PIK3C3: variants seen among roughly 807,000 people sequenced by gnomAD.
The protein encoded by PIK3C3 is PI3-kinase type 3.
In PIK3C3, 95 loss-of-function variants were observed where a neutral mutation model predicts 126.1. The ratio of observed to expected loss-of-function variants is 0.75; its 90% CI spans 0.64 to 0.89. The LOEUF (loss-of-function observed/expected upper bound fraction) is 0.89, where lower values mean the gene tolerates loss of function less well. Ranked by LOEUF, PIK3C3 falls within the 40% of genes least tolerant of loss-of-function variation. The pLI is 0.00. For missense variants in PIK3C3, 829 were observed against 1,063.2 expected (o/e 0.78, Z 3.06); for synonymous variants, 374 against 360.0 (o/e 1.04, Z -0.44).
At chr18:41,972,105 C>T (rs988363269) in intron 4 of PIK3C3, among the ~76,000 whole-genome samples, 3 of 151,910 alleles carry the variant, frequency 2.0e-5, no homozygotes, top group African/African-American at 7.3e-5. Context: ...TGTAGCACAA[C>T]GTTAATAGTA....
chr18:41,959,954 A>G lies in PIK3C3; in HGVS notation c.257+2196A>G, dbSNP rs1417646227. Among the ~76,000 whole-genome samples, 5 of 145,300 alleles carry G rather than the reference A, an allele frequency of 3.4e-5. No individual in the cohort carries two copies. In the South Asian group the frequency reaches 6.7e-4, roughly 19 times the overall value. ...TAAAAACCTTAAATAGTCCTTATTT[A>G]TAAGTATTTGCTTAAAAGAGATATT... is the stretch of plus-strand genomic sequence containing the variant. On this transcript the variant is annotated intron_variant, in intron 2 of 24. Transcript: ENST00000262039.
At chr18:42,013,802 A>G (rs925708913) in intron 11 of PIK3C3, among the ~76,000 whole-genome samples, 1 of 152,152 alleles carries the variant, frequency 6.6e-6, no homozygotes, top group African/African-American at 2.4e-5. Flanking sequence ...TGAATACCTG[A>G]GTTAAAAATC....
At chr18:42,015,779 A>G (rs1487441143) in intron 12 of PIK3C3, among the ~76,000 whole-genome samples, 3 of 152,212 alleles carry the variant, frequency 2.0e-5, no homozygotes, top group African/African-American at 7.2e-5. Context: ...CTTTGGGCAT[A>G]TAAATGGATT....
intron 24 of PIK3C3, among the ~76,000 whole-genome samples, chr18:42,078,613 C>T (rs912118868): frequency 1.3e-5 from 2 of 149,676 alleles, no homozygotes; most frequent in African/African-American, 5.1e-5. Flanking sequence ...TGAATCCAGA[C>T]ATTGACTTCC....
intron 24 of PIK3C3, among the ~76,000 whole-genome samples, chr18:42,075,555 C>G (rs193271238): frequency 6.6e-6 from 1 of 151,810 alleles, no homozygotes. Context: ...ATTCTCACAC[C>G]TGTGAAGTAA....
chr18:42,077,081 A>G (rs902967362), intron 24 of PIK3C3, among the ~76,000 whole-genome samples: 4 of 152,236 alleles, frequency 2.6e-5, no homozygotes, highest in Non-Finnish European at 5.9e-5. Context: ...TTGTTTTCCC[A>G]GTGCATATAA....
chr18:42,081,480 T>C lies in PIK3C3; in HGVS notation c.*343T>C, dbSNP rs893923057. On this transcript the variant is annotated 3_prime_UTR_variant, in exon 25 of 25. Coordinates refer to ENST00000262039, the MANE Select transcript of PIK3C3 (RefSeq NM_002647.4). ...AGTAAAACATTTTAGTTTTTGAGTTTAAAATGTTATTTTTTCCTCTTATAT... is the reference window on the plus strand; with the variant it reads ...AGTAAAACATTTTAGTTTTTGAGTTCAAAATGTTATTTTTTCCTCTTATAT... The C allele has an allele frequency of 2.1e-5, 5 of 238,402 alleles. No individual in the cohort carries two copies. The highest frequency in any genetic ancestry group is 4.0e-5 in the Non-Finnish European group (5 of 123,800). The allele number at this position is 238,402 out of a possible 1,614,324, so 14.8% of individuals were successfully genotyped here. A position where few individuals can be genotyped will look rare whatever the true frequency, so the allele number is the denominator to read the frequency against.
Position 42,083,931 on chromosome 18 carries a change from G to GGTC in PIK3C3, c.*2795_*2797dup, listed in dbSNP as rs1426908877. Reference sequence around the variant, plus strand: ...CTAATGTGTGCATTTGTGGGTATGTGGTCCATTCAGCTTTAATCCCCAGAA... The same window carrying GGTC: ...CTAATGTGTGCATTTGTGGGTATGTGGTCGTCCATTCAGCTTTAATCCCCAGAA... On this transcript the variant is annotated 3_prime_UTR_variant, in exon 25 of 25. Transcript: ENST00000262039. The GGTC allele has an allele frequency of 1.3e-5, 2 of 152,026 alleles. No individual in the cohort carries two copies. The highest frequency in any genetic ancestry group is 4.8e-5 in the African/African-American group (2 of 41,372). The allele number at this position is 152,026 out of a possible 1,614,324, so 9.4% of individuals were successfully genotyped here.
intron 4 of PIK3C3, among the ~76,000 whole-genome samples, chr18:41,977,527 A>G (rs1185432650): frequency 2.0e-5 from 3 of 151,456 alleles, no homozygotes; most frequent in Non-Finnish European, 4.4e-5. Flanking sequence ...ACACAGTCTC[A>G]CTCTGTCGTC....
At chr18:42,017,797 G>A (rs554195565) in intron 12 of PIK3C3, among the ~76,000 whole-genome samples, 12 of 151,492 alleles carry the variant, frequency 7.9e-5, no homozygotes, top group Non-Finnish European at 1.6e-4. Context: ...GAATTTTTTT[G>A]TAGCCTTATA....
intron 4 of PIK3C3, among the ~76,000 whole-genome samples, chr18:41,981,133 A>G (rs72907555): frequency 0.033 from 4,985 of 152,266 alleles, 102 homozygotes; most frequent in Non-Finnish European, 0.043. Flanking sequence ...GAATTGTGTT[A>G]TAACAAGCGT....
chr18:41,969,332 T>C (rs1980537360), intron 3 of PIK3C3, among the ~76,000 whole-genome samples: 1 of 152,186 alleles, frequency 6.6e-6, no homozygotes, highest in African/African-American at 2.4e-5. Flanking sequence ...AAATATTTTT[T>C]TGAAAAGAAA....
At chr18:42,077,713 A>T (rs544180869) in intron 24 of PIK3C3, among the ~76,000 whole-genome samples, 1 of 152,132 alleles carries the variant, frequency 6.6e-6, no homozygotes, top group Non-Finnish European at 1.5e-5. Flanking sequence ...AATGGAATCA[A>T]CTTCTTCCGA....
intron 10 of PIK3C3, 64 bp downstream of exon 10, chr18:42,004,605 A>C: frequency 8.3e-7 from 1 of 1,211,936 alleles, no homozygotes; most frequent in Non-Finnish European, 1.2e-6. Context: ...ATTATAAACT[A>C]TGTGTGTATG....
intron 10 of PIK3C3, among the ~76,000 whole-genome samples, chr18:42,009,380 T>C (rs7229485): frequency 0.036 from 5,446 of 152,220 alleles, 312 homozygotes; most frequent in African/African-American, 0.12. Flanking sequence ...TTAAAAATTA[T>C]TTGGTGTGAG....
Position 42,082,051 on chromosome 18 carries a change from A to C in PIK3C3, c.*914A>C, listed in dbSNP as rs1986269365. 6.6e-6 allele frequency: 1 copy of C among 152,118 alleles called. No homozygotes were observed. Among genetic ancestry groups the C allele is most frequent in the African/African-American group, 2.4e-5 (1 of 41,436 alleles). 9.4% of individuals were successfully genotyped at this position (152,118 alleles called of 1,614,324 possible). ...AATATATTCTTTCTGAATTAAGCAA[A>C]ATTTTTTTTGTCTTTTAAGACTAGA... is the stretch of plus-strand genomic sequence containing the variant. On this transcript the variant is annotated 3_prime_UTR_variant, in exon 25 of 25. Transcript: ENST00000262039.
chr18:42,079,946 A>AGTGT (rs6146278), intron 24 of PIK3C3, among the ~76,000 whole-genome samples: 4,009 of 137,184 alleles, frequency 0.029, 67 homozygotes, highest in Middle Eastern at 0.046. Context: ...CCAACTTTTG[A>AGTGT]GTGTGTGTGT....
chr18:41,988,789 A>G (rs758378499), intron 5 of PIK3C3, among the ~76,000 whole-genome samples: 5 of 152,274 alleles, frequency 3.3e-5, no homozygotes, highest in South Asian at 4.1e-4. Flanking sequence ...TATTCATAAT[A>G]CATTCCTATA....
At chr18:42,038,529 A>G (rs760108640) in intron 17 of PIK3C3, among the ~76,000 whole-genome samples, 9 of 152,018 alleles carry the variant, frequency 5.9e-5, no homozygotes, top group Admixed American at 2.6e-4. Context: ...TTTTTAGTAG[A>G]GACAGGGTTT....
Sources: allele counts gnomAD v4.1 joint callset (sites outside exome capture counted in the v4.1 genomes callset), GRCh38; gene constraint gnomAD v4.1.1; transcripts MANE v1.5; gene names NCBI Gene and HGNC (gene_info 2026-07-23, HGNC 2026-07-21).